The following PPP6R2 variants were observed in gnomAD, a reference collection of about 807,000 sequenced individuals.
PPP6R2 encodes protein phosphatase 6 regulatory subunit 2.
PPP6R2 carries 62 observed loss-of-function variants against 100.2 expected under a neutral mutation model. The ratio of observed to expected loss-of-function variants is 0.62; its 90% CI spans 0.50 to 0.76. The LOEUF is 0.76. PPP6R2 is among the 30% of genes least tolerant of loss of function. The pLI is 0.00. For missense variants in PPP6R2, 1,142 were observed against 1,276.3 expected (o/e 0.89, Z 1.60); for synonymous variants, 525 against 514.7 (o/e 1.02, Z -0.27).
At chr22:50,429,368 G>C (rs745806973) in intron 10 of PPP6R2, among the ~76,000 whole-genome samples, 5 of 152,116 alleles carry the variant, frequency 3.3e-5, no homozygotes, top group Non-Finnish European at 5.9e-5. Context: ...TGTATGAGTT[G>C]AGATGATCAT....
chr22:50,354,040 C>A (rs2045910686), intron 1 of PPP6R2, among the ~76,000 whole-genome samples: 1 of 152,158 alleles, frequency 6.6e-6, no homozygotes, highest in South Asian at 2.1e-4. Context: ...CGCGGTGGCT[C>A]ATGCCTGTAA....
Position 50,443,890 on chromosome 22 carries a change from G to A in PPP6R2, c.2604G>A (p.Leu868=), listed in dbSNP as rs766817413. 13 of 1,586,090 alleles carry A rather than the reference G, an allele frequency of 8.2e-6. No homozygotes were observed. The Admixed American group carries it at 2.1e-4, about 26-fold the overall frequency. ...GGGTCGGGTGTGCTGACAGCCGGCT[G>A]TTAAGCCCTGCCTGCCCCGCGCCAA... ...VGRVGCADSR[L]LSPACPAPKE... Residue 868 remains leucine, a synonymous_variant, in exon 23 of 24, where the codon CTG becomes CTA. Coordinates refer to ENST00000612753, the MANE Select transcript of PPP6R2 (RefSeq NM_001242898.2).
At chr22:50,373,464 C>A (rs981843913) in intron 2 of PPP6R2, among the ~76,000 whole-genome samples, 1 of 151,810 alleles carries the variant, frequency 6.6e-6, no homozygotes, top group Non-Finnish European at 1.5e-5. Context: ...AGGATGGTCT[C>A]GATCTCCTGA....
chr22:50,444,383 T>G lies in PPP6R2; in HGVS notation c.*136T>G. The G allele has an allele frequency of 8.5e-7, 1 of 1,175,722 alleles. No individual in the cohort carries two copies. The highest frequency in any genetic ancestry group is 2.6e-5 in the East Asian group (1 of 38,708). 72.8% of individuals were successfully genotyped at this position (1,175,722 alleles called of 1,614,324 possible). Reference sequence around the variant, plus strand: ...AATGCTGCATTGGTAAAGCTGGCAGTTGAAACCAGTTGGACGGCCCAGCTT... The same window carrying G: ...AATGCTGCATTGGTAAAGCTGGCAGGTGAAACCAGTTGGACGGCCCAGCTT... On this transcript the variant is annotated 3_prime_UTR_variant, in exon 24 of 24. Transcript: ENST00000612753.
chr22:50,412,332 C>G (rs1174256374), intron 4 of PPP6R2, among the ~76,000 whole-genome samples: 1 of 151,246 alleles, frequency 6.6e-6, no homozygotes, highest in African/African-American at 2.4e-5. Flanking sequence ...GCTGGGATTA[C>G]AGCCACCCAC....
chr22:50,369,642 T>G (rs2148476174), intron 1 of PPP6R2, among the ~76,000 whole-genome samples: 1 of 152,116 alleles, frequency 6.6e-6, no homozygotes, highest in Admixed American at 6.6e-5. Context: ...GCCTCCTGAG[T>G]ATCTGGGATT....
chr22:50,336,128 A>G, the PPP6R2 span, among the ~76,000 whole-genome samples: 3 of 149,744 alleles, frequency 2.0e-5, no homozygotes, highest in Non-Finnish European at 4.4e-5. Context: ...GGGATTACAG[A>G]CGCCTGCCAC....
intron 2 of PPP6R2, chr22:50,393,383 A>G: frequency 1.0e-6 from 1 of 985,260 alleles, no homozygotes; most frequent in African/African-American, 1.7e-5. Context: ...TTTGCTCACA[A>G]ATGTGAGACT....
At chr22:50,442,121 G>T (rs1603425016) in intron 22 of PPP6R2, among the ~76,000 whole-genome samples, 2 of 152,288 alleles carry the variant, frequency 1.3e-5, no homozygotes, top group South Asian at 4.1e-4. Context: ...GGGTGAGGGT[G>T]TCCCCCAGCC....
At chr22:50,393,802 G>A (rs1203670547) in intron 2 of PPP6R2, 91 bp from the exon 3 acceptor site, 1 of 1,565,758 alleles carries the variant, frequency 6.4e-7, no homozygotes, top group Non-Finnish European at 8.6e-7. Flanking sequence ...CTGCAGAGGT[G>A]AGAGAAATGA....
At chr22:50,381,764 C>T (rs1487865901) in intron 2 of PPP6R2, among the ~76,000 whole-genome samples, 9 of 151,920 alleles carry the variant, frequency 5.9e-5, no homozygotes, top group Non-Finnish European at 5.9e-5. Flanking sequence ...AAAAATTAGC[C>T]GGGCACGGTG....
chr22:50,436,234 C>T, intron 13 of PPP6R2, 133 bp from the exon 14 acceptor site: 2 of 730,082 alleles, frequency 2.7e-6, no homozygotes, highest in South Asian at 3.5e-5. Context: ...CTGCTTCAGG[C>T]CCTCAGACGG....
chr22:50,337,464 A>G, the PPP6R2 span, among the ~76,000 whole-genome samples: 3 of 82,684 alleles, frequency 3.6e-5, no homozygotes, highest in Non-Finnish European at 2.2e-5. Flanking sequence ...TGTGGTATGT[A>G]GTGTGTGTAG....
chr22:50,411,991 G>A (rs2059811776), intron 4 of PPP6R2, among the ~76,000 whole-genome samples: 1 of 151,836 alleles, frequency 6.6e-6, no homozygotes, highest in African/African-American at 2.4e-5. Context: ...CTTGCAGTGA[G>A]CCGAGATTGC....
intron 18 of PPP6R2, 138 bp downstream of exon 18, chr22:50,438,436 C>G: frequency 6.8e-7 from 1 of 1,459,944 alleles, no homozygotes; most frequent in Non-Finnish European, 9.3e-7. Flanking sequence ...CCCAATGCAG[C>G]GGGTGACCCT....
intron 10 of PPP6R2, among the ~76,000 whole-genome samples, chr22:50,425,791 T>C (rs1044863164): frequency 1.3e-5 from 2 of 152,152 alleles, no homozygotes; most frequent in African/African-American, 4.8e-5. Flanking sequence ...ATGTCGAGCA[T>C]CTTCTCGTGC....
In PPP6R2 at chr22:50,393,929, G is replaced by C. The variant is rs750603939; in HGVS notation, c.21G>C (p.Leu7Phe). 4.3e-6 allele frequency: 7 copies of C among 1,614,166 alleles called. No individual in the cohort carries two copies. Among genetic ancestry groups the C allele is most frequent in the Non-Finnish European group, 5.9e-6 (7 of 1,180,036 alleles). Residue 7 changes from leucine (L) to phenylalanine (F), a missense_variant, in exon 3 of 24, where the codon TTG (leucine) becomes TTC (phenylalanine). Physicochemically the swap from Leu to Phe is conservative, Grantham distance 22 (BLOSUM62 0). This residue lies in a region of PPP6R2 where 592 missense variants were observed against 758.9 expected (regional missense o/e 0.78). Transcript: ENST00000612753. Reference sequence around the variant, plus strand: ...TCACGATGTTCTGGAAGTTTGACTTGAACACCACGTCCCATGTTGACAAGC... The same window carrying C: ...TCACGATGTTCTGGAAGTTTGACTTCAACACCACGTCCCATGTTGACAAGC... MFWKFD[L>F]NTTSHVDKLL...
At chr22:50,339,828 AGTGTGTGTGGTGTGTG>A (rs2042350699), upstream of PPP6R2, among the ~76,000 whole-genome samples, 1 of 15,942 alleles carries the variant, frequency 6.3e-5, no homozygotes, top group Non-Finnish European at 1.0e-4. Flanking sequence ...TGGGGTATGT[AGTGTGTGTGGTGTGTG>A]GTGTGTGTGT....
chr22:50,398,810 C>G (rs918605129), intron 3 of PPP6R2, among the ~76,000 whole-genome samples: 4 of 152,180 alleles, frequency 2.6e-5, no homozygotes, highest in African/African-American at 9.6e-5. Context: ...ACAGAAGACA[C>G]TTTTTTTGAG....
Sources: allele counts gnomAD v4.1 joint callset (sites outside exome capture counted in the v4.1 genomes callset), GRCh38; gene constraint gnomAD v4.1.1; regional missense constraint gnomAD v4.1.1; transcripts MANE v1.5; gene names NCBI Gene and HGNC (gene_info 2026-07-23, HGNC 2026-07-21).